The following DMXL1 variants were observed in gnomAD, a reference collection of about 807,000 sequenced individuals.
The protein encoded by DMXL1 is Dmx like 1.
A neutral mutation model predicts 319.2 loss-of-function variants in DMXL1; 99 were observed. That is an observed-to-expected ratio of 0.31 (90% CI 0.26 to 0.37). DMXL1 has a LOEUF of 0.37. DMXL1 is among the 10% of genes least tolerant of loss of function. The pLI, the probability that DMXL1 is intolerant of heterozygous loss-of-function variation, is 1.00. For missense variants in DMXL1, 3,745 were observed against 3,595.6 expected, an observed-to-expected ratio of 1.04 and a Z score of -1.06; for synonymous variants, 1,385 against 1,235.2, an observed-to-expected ratio of 1.12 and a Z score of -2.54.
intron 34 of DMXL1, among the ~76,000 whole-genome samples, chr5:119,210,892 A>G (rs1369329064): frequency 2.0e-5 from 3 of 150,480 alleles, no homozygotes; most frequent in Non-Finnish European, 4.4e-5. Flanking sequence ...ATTAAGTATA[A>G]TGTTTTCTTT....
intron 13 of DMXL1, chr5:119,138,795 C>T (rs982483064): frequency 2.0e-5 from 3 of 152,258 alleles, no homozygotes; most frequent in East Asian, 1.9e-4. Context: ...CAAGATGACA[C>T]GACTGCACTC....
intron 34 of DMXL1, among the ~76,000 whole-genome samples, chr5:119,215,872 A>G (rs912454532): frequency 6.6e-6 from 1 of 151,998 alleles, no homozygotes; most frequent in Admixed American, 6.6e-5. Context: ...AAGGTGGCCA[A>G]ATCACCTGAA....
At chr5:119,198,684 C>T (rs1357727973) in intron 32 of DMXL1, among the ~76,000 whole-genome samples, 1 of 152,124 alleles carries the variant, frequency 6.6e-6, no homozygotes, top group Non-Finnish European at 1.5e-5. Context: ...AAGCAATCCT[C>T]AGCAAAAAGA....
chr5:119,113,906 A>G (rs1403216683), intron 5 of DMXL1, among the ~76,000 whole-genome samples: 1 of 152,242 alleles, frequency 6.6e-6, no homozygotes, highest in Non-Finnish European at 1.5e-5. Context: ...AAGCAGTGAT[A>G]GTGGTGAGTG....
intron 35 of DMXL1, among the ~76,000 whole-genome samples, chr5:119,219,461 T>C (rs2150571396): frequency 6.6e-6 from 1 of 152,320 alleles, no homozygotes; most frequent in South Asian, 2.1e-4. Flanking sequence ...TTTTTCTTAA[T>C]AGTTTGTGTT....
intron 1 of DMXL1, among the ~76,000 whole-genome samples, chr5:119,083,606 A>C (rs918249112): frequency 6.6e-6 from 1 of 151,590 alleles, no homozygotes; most frequent in East Asian, 2.0e-4. Context: ...CAGTGACACA[A>C]CCTTGGCTCA....
intron 37 of DMXL1, among the ~76,000 whole-genome samples, chr5:119,222,681 A>T (rs1187033277): frequency 6.6e-6 from 1 of 152,174 alleles, no homozygotes. Context: ...CTCGCTTTCT[A>T]AAAAATTTCA....
intron 34 of DMXL1, among the ~76,000 whole-genome samples, chr5:119,209,548 A>G (rs2150504905): frequency 6.6e-6 from 1 of 151,930 alleles, no homozygotes; most frequent in Non-Finnish European, 1.5e-5. Flanking sequence ...GGGTTTCTCC[A>G]TGTTGCTCAG....
chr5:119,196,727 G>C (rs1011949172), intron 31 of DMXL1, among the ~76,000 whole-genome samples: 1 of 152,074 alleles, frequency 6.6e-6, no homozygotes, highest in African/African-American at 2.4e-5. Context: ...GCCAAGTGTT[G>C]AGGGATTTTA....
chr5:119,119,069 A>G (rs1398455207), intron 8 of DMXL1, 65 bp downstream of exon 8: 2 of 1,105,088 alleles, frequency 1.8e-6, no homozygotes, highest in Admixed American at 2.6e-5. Context: ...CCTTTTTGGT[A>G]ACACAGTAAT....
At chr5:119,144,047 G>A in intron 14 of DMXL1, 117 bp downstream of exon 14, 2 of 618,602 alleles carry the variant, frequency 3.2e-6, no homozygotes, top group South Asian at 2.4e-5. Context: ...GGTAGATTCA[G>A]TAATTAACTC....
In DMXL1 at chr5:119,083,859, C is replaced by G. The variant is rs1561538901; in HGVS notation, c.87+12203C>G. ...GACCAGTTTTTAGGTTTTTGAGAAC[C>G]TGCATACAGTTATCTGTAGTGGTTT... On this transcript the variant is annotated intron_variant, in intron 1 of 43. Coordinates refer to ENST00000539542, the MANE Select transcript of DMXL1 (RefSeq NM_001290321.3). 2.0e-5 allele frequency among the ~76,000 whole-genome samples: 3 copies of G among 152,116 alleles called. No homozygotes were observed. The South Asian group carries it at 6.2e-4, about 32-fold the overall frequency.
chr5:119,141,010 A>T (rs1403283073), intron 13 of DMXL1, among the ~76,000 whole-genome samples: 1 of 152,062 alleles, frequency 6.6e-6, no homozygotes, highest in Admixed American at 6.5e-5. Flanking sequence ...AAAACACATA[A>T]TTTTTTTGAT....
chr5:119,211,455 C>T (rs1027689529), intron 34 of DMXL1, among the ~76,000 whole-genome samples: 1 of 152,142 alleles, frequency 6.6e-6, no homozygotes, highest in African/African-American at 2.4e-5. Context: ...ACATGTCTTT[C>T]AAGAAGTGTA....
At chr5:119,201,391 C>G (rs1231295277) in intron 32 of DMXL1, among the ~76,000 whole-genome samples, 1 of 152,102 alleles carries the variant, frequency 6.6e-6, no homozygotes, top group African/African-American at 2.4e-5. Context: ...ATATGTTGAA[C>G]CAAACTTGCA....
chr5:119,181,858 C>T (rs1007597213), intron 28 of DMXL1, among the ~76,000 whole-genome samples: 9 of 151,844 alleles, frequency 5.9e-5, no homozygotes, highest in East Asian at 1.9e-4. Flanking sequence ...AGGAAAGAAG[C>T]GAAGAGAAAG....
intron 31 of DMXL1, among the ~76,000 whole-genome samples, chr5:119,197,500 T>C (rs1779849064): frequency 6.6e-6 from 1 of 152,216 alleles, no homozygotes; most frequent in Non-Finnish European, 1.5e-5. Context: ...AGATACATTT[T>C]TCTGGTAATA....
intron 25 of DMXL1, among the ~76,000 whole-genome samples, chr5:119,173,304 C>T (rs531813386): frequency 3.9e-4 from 59 of 150,998 alleles, no homozygotes; most frequent in Middle Eastern, 3.4e-3. Flanking sequence ...CGCACCATTA[C>T]ACTCCAACCT....
At position 119,134,530 on chromosome 5, in the gene DMXL1, C is replaced by T; in HGVS notation, c.2376+141C>T. The T allele has an allele frequency of 3.9e-6, 3 of 762,446 alleles. No homozygotes were observed. In the East Asian group the frequency reaches 8.3e-5, roughly 21 times the overall value. The allele number at this position is 762,446 out of a possible 1,614,324, so 47.2% of individuals were successfully genotyped here. A position where few individuals can be genotyped will look rare whatever the true frequency, so the allele number is the denominator to read the frequency against. ...TTTGTTTTATTTTTTCACATTTGTA[C>T]TCTTGTAATGATTTAAAGCTCCTTT... On this transcript the variant is annotated intron_variant, in intron 13 of 43. Coordinates refer to ENST00000539542, the MANE Select transcript of DMXL1 (RefSeq NM_001290321.3).
Sources: gnomAD v4.1 joint callset for allele counts (sites outside exome capture counted in the v4.1 genomes callset) on GRCh38, gnomAD v4.1.1 for gene constraint, MANE v1.5 for transcripts, NCBI Gene and HGNC (gene_info 2026-07-23, HGNC 2026-07-21) for gene names.